CAAP1: variants seen among roughly 807,000 people sequenced by gnomAD.
CAAP1 encodes caspase activity and apoptosis inhibitor 1.
A neutral mutation model predicts 34.0 loss-of-function variants in CAAP1; 20 were observed. The observed-to-expected ratio is 0.59, with a 90% confidence interval of 0.41 to 0.86. The LOEUF (loss-of-function observed/expected upper bound fraction) is 0.86. CAAP1 is among the 40% of genes least tolerant of loss of function. The probability of loss-of-function intolerance (pLI) is 0.00; values close to 1 mark genes in which losing one functional copy is unlikely to be tolerated. For synonymous variants in CAAP1, 213 were observed against 166.7 expected (o/e 1.28, Z -2.14); for missense variants, 538 against 450.5 (o/e 1.19, Z -1.76).
rs753260635 is a variant in CAAP1 at position 26,842,068 on chromosome 9, T to C, written c.*233A>G. 187 of 381,054 alleles carry C rather than the reference T, an allele frequency of 4.9e-4. No homozygotes were observed. Among genetic ancestry groups the C allele is most frequent in the Non-Finnish European group, 7.3e-4 (156 of 214,182 alleles). The allele number at this position is 381,054 out of a possible 1,614,324, so 23.6% of individuals were successfully genotyped here. On this transcript the variant is annotated 3_prime_UTR_variant, in exon 6 of 6. Coordinates refer to ENST00000333916, the MANE Select transcript of CAAP1 (RefSeq NM_024828.4). ...AGCTAAATACTCATCTAACAAAGTA[T>C]CCAGGCTATCCAACTATATTGCCAT...
At chr9:26,859,154 T>C (rs142686075) in intron 5 of CAAP1, among the ~76,000 whole-genome samples, 12 of 152,290 alleles carry the variant, frequency 7.9e-5, no homozygotes, top group Non-Finnish European at 1.6e-4. Flanking sequence ...TCCTAATGTC[T>C]CATACCTCCT....
At chr9:26,863,537 T>C (rs1380115478) in intron 4 of CAAP1, among the ~76,000 whole-genome samples, 1 of 152,116 alleles carries the variant, frequency 6.6e-6, no homozygotes, top group Non-Finnish European at 1.5e-5. Flanking sequence ...CAGGTCTTTT[T>C]ATTTCTAGTT....
At position 26,841,940 on chromosome 9, in the gene CAAP1, T is replaced by C. The variant is rs1371112674; in HGVS notation, c.*361A>G. 1 of 163,998 alleles carries C rather than the reference T, an allele frequency of 6.1e-6. No individual in the cohort carries two copies. Among genetic ancestry groups the C allele is most frequent in the Non-Finnish European group, 1.3e-5 (1 of 76,338 alleles). 10.2% of individuals were successfully genotyped at this position (163,998 alleles called of 1,614,324 possible). Reference sequence around the variant, plus strand: ...AATACAAGTAGCCTTAAGAGAAACATGCTTCGTCAATCTTTTGCTTTTAGG... The same window carrying C: ...AATACAAGTAGCCTTAAGAGAAACACGCTTCGTCAATCTTTTGCTTTTAGG... On this transcript the variant is annotated 3_prime_UTR_variant, in exon 6 of 6. Coordinates refer to ENST00000333916, the MANE Select transcript of CAAP1 (RefSeq NM_024828.4).
intron 4 of CAAP1, chr9:26,880,417 C>A: frequency 3.8e-6 from 1 of 261,836 alleles, no homozygotes; most frequent in Non-Finnish European, 7.9e-6. Context: ...GCCACAGTAC[C>A]AGGCCTGTAA....
chr9:26,878,322 T>G (rs1823496295), intron 4 of CAAP1, among the ~76,000 whole-genome samples: 1 of 152,226 alleles, frequency 6.6e-6, no homozygotes, highest in South Asian at 2.1e-4. Flanking sequence ...GTTATATATG[T>G]ATTCATGCAT....
At chr9:26,847,147 C>A (rs983956662) in intron 5 of CAAP1, among the ~76,000 whole-genome samples, 1 of 120,060 alleles carries the variant, frequency 8.3e-6, no homozygotes, top group Non-Finnish European at 1.7e-5. Context: ...GTACTAGCTT[C>A]TTTTATAGAC....
intron 1 of CAAP1, among the ~76,000 whole-genome samples, chr9:26,889,875 A>AG (rs1563896121): frequency 6.7e-6 from 1 of 149,288 alleles, no homozygotes; most frequent in African/African-American, 2.5e-5. Flanking sequence ...CTCAAAAAAA[A>AG]AAAAAAAAAA....
intron 4 of CAAP1, among the ~76,000 whole-genome samples, chr9:26,884,265 G>C (rs1823671649): frequency 6.6e-6 from 1 of 152,200 alleles, no homozygotes; most frequent in East Asian, 1.9e-4. Context: ...CTAATAATTA[G>C]CATGTAGCTT....
chr9:26,855,206 C>T (rs1438856154), intron 5 of CAAP1, among the ~76,000 whole-genome samples: 1 of 152,152 alleles, frequency 6.6e-6, no homozygotes, highest in Non-Finnish European at 1.5e-5. Context: ...ACTTCAAATA[C>T]TGAGTGACAG....
intron 4 of CAAP1, among the ~76,000 whole-genome samples, chr9:26,872,598 C>T (rs2131324629): frequency 6.9e-6 from 1 of 145,318 alleles, no homozygotes. Flanking sequence ...AATCTGTTGC[C>T]CAGGCTGGAG....
At chr9:26,846,069 T>C (rs910346589) in intron 5 of CAAP1, among the ~76,000 whole-genome samples, 1 of 152,018 alleles carries the variant, frequency 6.6e-6, no homozygotes, top group African/African-American at 2.4e-5. Flanking sequence ...TAATTTTAAT[T>C]GCCATGTTGT....
intron 5 of CAAP1, among the ~76,000 whole-genome samples, chr9:26,842,866 G>C (rs1035033658): frequency 6.6e-6 from 1 of 152,118 alleles, no homozygotes; most frequent in Non-Finnish European, 1.5e-5. Flanking sequence ...TTCTGATTTA[G>C]TAGAACATGG....
At chr9:26,886,708 C>G (rs1334628805) in intron 2 of CAAP1, among the ~76,000 whole-genome samples, 1 of 152,154 alleles carries the variant, frequency 6.6e-6, no homozygotes, top group Non-Finnish European at 1.5e-5. Context: ...GACATTATTT[C>G]TTAAAGCACC....
At chr9:26,879,110 G>C (rs181373174) in intron 4 of CAAP1, among the ~76,000 whole-genome samples, 2 of 152,118 alleles carry the variant, frequency 1.3e-5, no homozygotes, top group African/African-American at 2.4e-5. Flanking sequence ...TTTTCCACAG[G>C]TATCTTTCCA....
rs765898646 is a variant in CAAP1 at position 26,852,389 on chromosome 9, A to C, written c.739+8677T>G. On this transcript the variant is annotated intron_variant, in intron 5 of 5. Coordinates refer to ENST00000333916, the MANE Select transcript of CAAP1 (RefSeq NM_024828.4). ...AGAATTGCTTGAACCCGGGAGGCGG[A>C]GGCTGCAGTGAGCTGAGATCACGCC... is the stretch of plus-strand genomic sequence containing the variant. Among the ~76,000 whole-genome samples, 5 of 151,750 alleles carry C rather than the reference A, an allele frequency of 3.3e-5. No homozygotes were observed. In the East Asian group the frequency reaches 9.8e-4, roughly 30 times the overall value.
intron 5 of CAAP1, among the ~76,000 whole-genome samples, chr9:26,845,229 GT>G (rs1291255073): frequency 6.6e-6 from 1 of 152,180 alleles, no homozygotes; most frequent in East Asian, 1.9e-4. Context: ...TTAAAACAGT[GT>G]CTTGTACACA....
At chr9:26,886,970 C>G (rs985020218) in intron 2 of CAAP1, among the ~76,000 whole-genome samples, 3 of 152,168 alleles carry the variant, frequency 2.0e-5, no homozygotes, top group African/African-American at 7.2e-5. Flanking sequence ...AATTCCAACA[C>G]CTTGGGAGGC....
intron 4 of CAAP1, among the ~76,000 whole-genome samples, chr9:26,863,451 G>C (rs1823052242): frequency 6.6e-6 from 1 of 152,014 alleles, no homozygotes; most frequent in African/African-American, 2.4e-5. Context: ...ACAATTTAAA[G>C]ATCTCCAATA....
At position 26,865,423 on chromosome 9, in the gene CAAP1, T is replaced by C. The variant is rs575371014; in HGVS notation, c.666-4284A>G. Reference sequence around the variant, plus strand: ...CTGTAATCCCAGCTACTCGGGAGAATTGAGGCAGTAGAATCACTGGAACCC... The same window carrying C: ...CTGTAATCCCAGCTACTCGGGAGAACTGAGGCAGTAGAATCACTGGAACCC... On this transcript the variant is annotated intron_variant, in intron 4 of 5. Coordinates refer to ENST00000333916, the MANE Select transcript of CAAP1 (RefSeq NM_024828.4). Among the ~76,000 whole-genome samples the C allele has an allele frequency of 1.1e-4, 17 of 152,128 alleles. No individual in the cohort carries two copies. In the South Asian group the frequency reaches 2.5e-3, roughly 22 times the overall value.
Sources: allele counts gnomAD v4.1 joint callset (sites outside exome capture counted in the v4.1 genomes callset), GRCh38; gene constraint gnomAD v4.1.1; transcripts MANE v1.5; gene names NCBI Gene and HGNC (gene_info 2026-07-23, HGNC 2026-07-21).